Variants in MDFIC2 observed in about 807,000 individuals in gnomAD.
MDFIC2 encodes the protein MyoD family inhibitor domain containing 2.
intron 2 of MDFIC2, among the ~76,000 whole-genome samples, chr3:70,284,223 G>A (rs898904464): frequency 3.3e-5 from 5 of 152,120 alleles, no homozygotes; most frequent in African/African-American, 4.8e-5. Context: ...ACCAAGAAAT[G>A]TGTTAATAGT....
chr3:70,285,754 C>T (rs1702155409), intron 2 of MDFIC2, among the ~76,000 whole-genome samples: 1 of 151,980 alleles, frequency 6.6e-6, no homozygotes, highest in Non-Finnish European at 1.5e-5. Context: ...GCCATTCTAA[C>T]TGGTGTGAGA....
chr3:70,297,884 T>C (rs1702304708), intron 2 of MDFIC2, among the ~76,000 whole-genome samples: 1 of 152,260 alleles, frequency 6.6e-6, no homozygotes, highest in South Asian at 2.1e-4. Flanking sequence ...AGTTGATGCA[T>C]AATGGCTATC....
intron 2 of MDFIC2, among the ~76,000 whole-genome samples, chr3:70,293,045 CAAAAAAAAAAA>C (rs55990203): frequency 0.02 from 1,525 of 74,800 alleles, 32 homozygotes; most frequent in African/African-American, 0.058. Context: ...TGGTTTGAAG[CAAAAAAAAAAA>C]AAAAAAAAAA....
chr3:70,285,454 T>A (rs924918780), intron 2 of MDFIC2, among the ~76,000 whole-genome samples: 9 of 152,062 alleles, frequency 5.9e-5, no homozygotes, highest in Non-Finnish European at 1.2e-4. Flanking sequence ...ATCCAGTCTA[T>A]CATTGTTGGA....
intron 2 of MDFIC2, among the ~76,000 whole-genome samples, chr3:70,232,715 T>A (rs1456645007): frequency 6.6e-6 from 1 of 152,056 alleles, no homozygotes; most frequent in Non-Finnish European, 1.5e-5. Context: ...AGGTAATTAG[T>A]CACAATAATA....
intron 2 of MDFIC2, among the ~76,000 whole-genome samples, chr3:70,226,475 C>T (rs932710003): frequency 1.3e-5 from 2 of 152,128 alleles, no homozygotes; most frequent in Admixed American, 6.5e-5. Context: ...CAGTGGCTCA[C>T]GCCTGTAATC....
chr3:70,255,912 G>GA (rs1314634939), intron 2 of MDFIC2, among the ~76,000 whole-genome samples: 1 of 151,720 alleles, frequency 6.6e-6, no homozygotes, highest in Non-Finnish European at 1.5e-5. Context: ...GCATTTACAG[G>GA]AAAAAAATTC....
chr3:70,204,646 C>T (rs951521195), intron 3 of MDFIC2: 2 of 150,098 alleles, frequency 1.3e-5, no homozygotes, highest in African/African-American at 4.9e-5. Flanking sequence ...GAGTAGTCAG[C>T]TATTTTCTTT....
intron 3 of MDFIC2, among the ~76,000 whole-genome samples, chr3:70,198,530 T>C (rs1349980493): frequency 1.3e-5 from 2 of 152,198 alleles, no homozygotes; most frequent in East Asian, 1.9e-4. Flanking sequence ...AAAAACACTA[T>C]ATAAAGTTAT....
At chr3:70,245,698 T>TAC (rs1413882614) in intron 2 of MDFIC2, among the ~76,000 whole-genome samples, 5 of 138,212 alleles carry the variant, frequency 3.6e-5, no homozygotes, top group Non-Finnish European at 7.9e-5. Context: ...TATATATATA[T>TAC]ATATATATAT....
chr3:70,227,405 A>G (rs956832348), intron 2 of MDFIC2, among the ~76,000 whole-genome samples: 5 of 152,224 alleles, frequency 3.3e-5, no homozygotes, highest in Non-Finnish European at 4.4e-5. Flanking sequence ...GTGATTCAAA[A>G]TATCAAGTTC....
At chr3:70,251,051 T>C (rs1455853771) in intron 2 of MDFIC2, among the ~76,000 whole-genome samples, 1 of 152,224 alleles carries the variant, frequency 6.6e-6, no homozygotes, top group Non-Finnish European at 1.5e-5. Context: ...GAGAATATGC[T>C]GTACACGGTT....
intron 2 of MDFIC2, among the ~76,000 whole-genome samples, chr3:70,261,597 T>C (rs1211981366): frequency 6.6e-6 from 1 of 152,186 alleles, no homozygotes; most frequent in East Asian, 1.9e-4. Flanking sequence ...TTCCCTGACA[T>C]CCCTGCCTGA....
intron 2 of MDFIC2, among the ~76,000 whole-genome samples, chr3:70,239,996 A>G (rs1293952200): frequency 6.6e-6 from 1 of 152,140 alleles, no homozygotes; most frequent in Non-Finnish European, 1.5e-5. Flanking sequence ...AATACCTAAT[A>G]TTCTAATTTT....
chr3:70,280,135 C>T (rs1386193123), intron 2 of MDFIC2, among the ~76,000 whole-genome samples: 3 of 152,076 alleles, frequency 2.0e-5, no homozygotes, highest in African/African-American at 7.2e-5. Flanking sequence ...CTGGGGGCTG[C>T]CTGCATTTCC....
chr3:70,235,638 C>T (rs1701599707), intron 2 of MDFIC2, among the ~76,000 whole-genome samples: 1 of 152,144 alleles, frequency 6.6e-6, no homozygotes, highest in African/African-American at 2.4e-5. Flanking sequence ...TTAGAGGTTT[C>T]TCTATGACCC....
intron 2 of MDFIC2, among the ~76,000 whole-genome samples, chr3:70,241,231 T>C (rs1412588363): frequency 1.3e-5 from 2 of 152,146 alleles, no homozygotes; most frequent in East Asian, 3.9e-4. Context: ...ACTTTAAAAC[T>C]CCACTCTTTA....
At chr3:70,237,979 CTTTTTTTTTTTTTTT>C (rs71672662) in intron 2 of MDFIC2, among the ~76,000 whole-genome samples, 1 of 48,932 alleles carries the variant, frequency 2.0e-5, no homozygotes. Context: ...TGAGTGGTAT[CTTTTTTTTTTTTTTT>C]TTTTTTTTTT....
At chr3:70,268,273 C>A (rs13062564) in intron 2 of MDFIC2, among the ~76,000 whole-genome samples, 60,820 of 151,918 alleles carry the variant, frequency 0.4, 13,402 homozygotes, top group Non-Finnish European at 0.51. Context: ...AAGTTCGCGA[C>A]CAGCCTGGAC....
Sources: gnomAD v4.1 joint callset for allele counts (sites outside exome capture counted in the v4.1 genomes callset) on GRCh38, gnomAD v4.1.1 for gene constraint, MANE v1.5 for transcripts, NCBI Gene and HGNC (gene_info 2026-07-23, HGNC 2026-07-21) for gene names.